CYP4B1: variants seen among roughly 807,000 people sequenced by gnomAD.
The protein encoded by CYP4B1 is cytochrome P450 family 4 subfamily B member 1.
In CYP4B1, 45 loss-of-function variants were observed where a neutral mutation model predicts 54.0. That is an observed-to-expected ratio of 0.83 (90% CI 0.66 to 1.07). The LOEUF is 1.07. CYP4B1 is among the 50% of genes least tolerant of loss of function. CYP4B1 has a pLI of 0.00. For synonymous variants in CYP4B1, 248 were observed against 247.5 expected (o/e 1.00, Z -0.02); for missense variants, 656 against 655.4 (o/e 1.00, Z -0.01).
intron 1 of CYP4B1, among the ~76,000 whole-genome samples, chr1:46,799,750 G>C (rs1367704423): frequency 6.6e-6 from 1 of 152,232 alleles, no homozygotes; most frequent in Non-Finnish European, 1.5e-5. Context: ...TAAGCGGTTG[G>C]TGTCCCCAAA....
chr1:46,814,933 G>C, intron 7 of CYP4B1, 141 bp from the exon 8 acceptor site: 1 of 682,896 alleles, frequency 1.5e-6, no homozygotes, highest in Non-Finnish European at 2.5e-6. Flanking sequence ...ATAGGAATCT[G>C]GGGGAAGGTC....
intron 1 of CYP4B1, among the ~76,000 whole-genome samples, chr1:46,803,085 C>G (rs1678725052): frequency 6.6e-6 from 1 of 152,188 alleles, no homozygotes; most frequent in African/African-American, 2.4e-5. Context: ...GGGGCAGTCA[C>G]ACAGATCCTT....
rs1678594581 is a variant in CYP4B1, at chr1:46,800,280, TC to T, written c.180+1021del. On this transcript the variant is annotated intron_variant, in intron 1 of 11. Coordinates refer to ENST00000371923, the MANE Select transcript of CYP4B1 (RefSeq NM_001099772.2). ...TTCCTTCCTTCCTTCCTTCCTTCCT[TC>T]CTTCCTTCCTTCCTTCCTTCTTTCC... Among the ~76,000 whole-genome samples the T allele has an allele frequency of 2.3e-5, 3 of 129,470 alleles. 1 individual carries two copies. The highest frequency in any genetic ancestry group is 2.3e-4 in the East Asian group (1 of 4,414). 84.9% of individuals were successfully genotyped at this position (129,470 alleles called of 152,430 possible). A position where few individuals can be genotyped will look rare whatever the true frequency, so the allele number is the denominator to read the frequency against.
intron 9 of CYP4B1, chr1:46,817,431 A>C: frequency 1.9e-6 from 1 of 538,928 alleles, no homozygotes; most frequent in Non-Finnish European, 3.3e-6. Context: ...ATTAAAGAGA[A>C]TGTTCACCAA....
rs45449198 is a variant in CYP4B1, at chr1:46,816,521, C to G, written c.1074-527C>G. On this transcript the variant is annotated intron_variant, in intron 8 of 11. Transcript: ENST00000371923. ...TGGGGACTCTGCAATAAAATATTGC[C>G]CTGTAGTTATAGTTGGATGTCACAT... is the stretch of plus-strand genomic sequence containing the variant. 7.6e-3 allele frequency among the ~76,000 whole-genome samples: 1,145 copies of G among 150,756 alleles called. 11 individuals are homozygous for G. Among genetic ancestry groups the G allele is most frequent in the African/African-American group, 0.027 (1,095 of 40,990 alleles).
At chr1:46,816,654 C>T (rs1472427862) in intron 8 of CYP4B1, among the ~76,000 whole-genome samples, 3 of 150,764 alleles carry the variant, frequency 2.0e-5, no homozygotes, top group Non-Finnish European at 4.4e-5. Flanking sequence ...ATTCAACCAA[C>T]GTGTATCAGC....
In CYP4B1 at chr1:46,814,027, T is replaced by C. The variant is rs151203772; in HGVS notation, c.739T>C (p.Phe247Leu). 4.6e-4 allele frequency: 745 copies of C among 1,614,134 alleles called. 6 individuals are homozygous for C. In the African/African-American group the frequency reaches 9.0e-3, roughly 20 times the overall value. Residue 247 changes from phenylalanine to leucine, a missense_variant, in exon 6 of 12, where the codon TTC becomes CTC. Transcript: ENST00000371923. Reference protein sequence around the residue: ...IYWLTPHGRRFLRACQVAHDH... With the variant: ...IYWLTPHGRRLLRACQVAHDH... ...CTGGCTCACCCCACATGGCCGCCGC[T>C]TCCTGCGGGCCTGCCAGGTGGCCCA...
rs1679462725 is a variant in CYP4B1 at position 46,819,236 on chromosome 1, A to G, written c.*422A>G. 6.2e-6 allele frequency: 1 copy of G among 161,456 alleles called. No individual in the cohort carries two copies. The highest frequency in any genetic ancestry group is 2.4e-5 in the African/African-American group (1 of 41,694). 10.0% of individuals were successfully genotyped at this position (161,456 alleles called of 1,614,324 possible). On this transcript the variant is annotated 3_prime_UTR_variant, in exon 12 of 12. Transcript: ENST00000371923. Reference sequence around the variant, plus strand: ...GAATGGCTTAGGGGAGTGCCCCTTCACTGAGATGTGTTTCTTTGTTGAACT... The same window carrying G: ...GAATGGCTTAGGGGAGTGCCCCTTCGCTGAGATGTGTTTCTTTGTTGAACT...
intron 1 of CYP4B1, among the ~76,000 whole-genome samples, chr1:46,801,526 C>A (rs1043219784): frequency 4.0e-5 from 6 of 151,080 alleles, no homozygotes; most frequent in African/African-American, 1.2e-4. Flanking sequence ...GTCTGAAGGG[C>A]CTTCTCTTGG....
At chr1:46,811,083 A>G in intron 2 of CYP4B1, 57 bp from the exon 3 acceptor site, 2 of 1,609,238 alleles carry the variant, frequency 1.2e-6, no homozygotes, top group South Asian at 1.1e-5. Context: ...CTACTCATAA[A>G]TGAGCCTCCT....
intron 4 of CYP4B1, among the ~76,000 whole-genome samples, chr1:46,812,829 C>G (rs1039125357): frequency 1.3e-5 from 2 of 152,188 alleles, no homozygotes; most frequent in African/African-American, 4.8e-5. Context: ...TGCTGAATCT[C>G]TAAGTGTCCT....
chr1:46,818,062 G>T lies in CYP4B1; in HGVS notation c.1272+33G>T, dbSNP rs4646497. 4.8e-5 allele frequency: 77 copies of T among 1,613,542 alleles called. No homozygotes were observed. In the East Asian group the frequency reaches 1.7e-3, roughly 35 times the overall value. On this transcript the variant is annotated intron_variant, in intron 10 of 11. Transcript: ENST00000371923. Reference sequence around the variant, plus strand: ...TTCCCTGGGCTGGGAGATCAGACAGGGTGGGGGACTGGGAGGGTCACCCTC... The same window carrying T: ...TTCCCTGGGCTGGGAGATCAGACAGTGTGGGGGACTGGGAGGGTCACCCTC...
At position 46,804,434 on chromosome 1, in the gene CYP4B1, C is replaced by CTT. The variant is rs75345024; in HGVS notation, c.180+5186_180+5187dup. Among the ~76,000 whole-genome samples, 735 of 141,424 alleles carry CTT rather than the reference C, an allele frequency of 5.2e-3. 13 individuals are homozygous for CTT. The East Asian group carries it at 0.062, about 12-fold the overall frequency. 92.8% of individuals were successfully genotyped at this position (141,424 alleles called of 152,430 possible). A position where few individuals can be genotyped will look rare whatever the true frequency, so the allele number is the denominator to read the frequency against. ...AGGGAGGTTTGGTTTCATTTTCTTT[C>CTT]TTTTTTTTTTTTTTAAAGTGAGAGA... On this transcript the variant is annotated intron_variant, in intron 1 of 11. Transcript: ENST00000371923.
chr1:46,816,944 AGT>A, intron 8 of CYP4B1, 102 bp from the exon 9 acceptor site: 3 of 1,334,990 alleles, frequency 2.2e-6, no homozygotes, highest in Non-Finnish European at 3.2e-6. Flanking sequence ...CTGACTCTTG[AGT>A]GTGTGGTGGT....
Position 46,800,316 on chromosome 1 carries a change from T to TC in CYP4B1, c.180+1055_180+1056insC, listed in dbSNP as rs1557485157. Among the ~76,000 whole-genome samples, 21 of 132,238 alleles carry TC rather than the reference T, an allele frequency of 1.6e-4. 2 individuals carry two copies. Among genetic ancestry groups the TC allele is most frequent in the East Asian group, 4.4e-4 (2 of 4,500 alleles). The allele number at this position is 132,238 out of a possible 152,430, so 86.8% of individuals were successfully genotyped here. A position where few individuals can be genotyped will look rare whatever the true frequency, so the allele number is the denominator to read the frequency against. On this transcript the variant is annotated intron_variant, in intron 1 of 11. Transcript: ENST00000371923. ...TTCCTTCCTTCTTTCCTTCCTTCTCTTTCTCTCTCTCTCTTTCTTTCTTTC... is the reference window on the plus strand; with the variant it reads ...TTCCTTCCTTCTTTCCTTCCTTCTCTCTTCTCTCTCTCTCTTTCTTTCTTTC...
In CYP4B1 at chr1:46,818,907, G is replaced by A. The variant is rs918071934; in HGVS notation, c.*93G>A. 48 of 1,177,024 alleles carry A rather than the reference G, an allele frequency of 4.1e-5. No individual in the cohort carries two copies. In the East Asian group the frequency reaches 1.1e-3, roughly 28 times the overall value. The allele number at this position is 1,177,024 out of a possible 1,614,324, so 72.9% of individuals were successfully genotyped here. A position where few individuals can be genotyped will look rare whatever the true frequency, so the allele number is the denominator to read the frequency against. On this transcript the variant is annotated 3_prime_UTR_variant, in exon 12 of 12. Coordinates refer to ENST00000371923, the MANE Select transcript of CYP4B1 (RefSeq NM_001099772.2). ...GGGTGTGGAGGAGTTGGGGCCCCCT[G>A]CCTTCAGGAGGCTTGTAGTTTAGAA... is the stretch of plus-strand genomic sequence containing the variant.
In CYP4B1 at chr1:46,818,090, CCAGAACCTGGCGAGTGTTTAAG is replaced by C; in HGVS notation, c.1273-38_1273-17del. 1.2e-6 allele frequency: 2 copies of C among 1,613,370 alleles called. No homozygotes were observed. The highest frequency in any genetic ancestry group is 1.7e-6 in the Non-Finnish European group (2 of 1,179,294). On this transcript the variant is annotated intron_variant, in intron 10 of 11. Transcript: ENST00000371923. ...GGGGGACTGGGAGGGTCACCCTCTG[CCAGAACCTGGCGAGTGTTTAAG>C]CAAGGCCTGTCCCTTCAGGTCTTTG...
chr1:46,814,141 A>C (rs1282940215), intron 6 of CYP4B1, 68 bp from the exon 7 acceptor site: 3 of 1,609,890 alleles, frequency 1.9e-6, no homozygotes, highest in East Asian at 4.5e-5. Flanking sequence ...CTCCCATTAT[A>C]GGACCCCAGT....
At position 46,799,177 on chromosome 1, in the gene CYP4B1, G is replaced by C. The variant is rs758388131; in HGVS notation, c.96G>C (p.Leu32=). ...TAGGCTTTCTCAAGCTCATCCACCT[G>C]CTGCTGCGGAGGCAGACGTTGGCTA... is the stretch of plus-strand genomic sequence containing the variant. ...LVLGFLKLIH[L]LLRRQTLAKA... is the part of the protein sequence containing the mutation. The change falls in exon 1 of 12, where the codon CTG becomes CTC. Residue 32 remains leucine (L), a synonymous_variant. Transcript: ENST00000371923. 2.0e-5 allele frequency: 32 copies of C among 1,612,350 alleles called. No homozygotes were observed. Among genetic ancestry groups the C allele is most frequent in the Non-Finnish European group, 2.6e-5 (31 of 1,179,370 alleles).
Sources: allele counts gnomAD v4.1 joint callset (sites outside exome capture counted in the v4.1 genomes callset), GRCh38; gene constraint gnomAD v4.1.1; transcripts MANE v1.5; gene names NCBI Gene and HGNC (gene_info 2026-07-23, HGNC 2026-07-21).